The following MGAM variants were observed in gnomAD, a reference collection of about 807,000 sequenced individuals.
MGAM encodes the protein alpha-1,4-glucosidase.
Under a neutral mutation model 358.8 loss-of-function variants are expected in MGAM, and 253 were observed. That is an observed-to-expected ratio of 0.71 (90% CI 0.64 to 0.78). MGAM has a LOEUF of 0.78. Ranked by LOEUF, MGAM falls within the 30% of genes least tolerant of loss-of-function variation. The probability of loss-of-function intolerance (pLI) is 0.00; values close to 1 mark genes in which losing one functional copy is unlikely to be tolerated. For synonymous variants in MGAM, 1,105 were observed against 1,227.1 expected (o/e 0.90, Z 2.08); for missense variants, 3,080 against 3,432.6 (o/e 0.90, Z 2.57).
At chr7:141,994,122 C>T (rs1225472884), upstream of MGAM, among the ~76,000 whole-genome samples, 1 of 152,096 alleles carries the variant, frequency 6.6e-6, no homozygotes, top group Non-Finnish European at 1.5e-5. Context: ...GTGATCTGTC[C>T]ACCTCAGCCT....
Position 142,085,850 on chromosome 7 carries a change from C to G in MGAM, c.6525C>G (p.Asp2175Glu). 6.4e-7 allele frequency: 1 copy of G among 1,565,474 alleles called. No individual in the cohort carries two copies. The highest frequency in any genetic ancestry group is 8.8e-7 in the Non-Finnish European group (1 of 1,141,082). ...AQIPYDVQYS[D>E]IDYMERQLDF... ...TCCCGCAGGACGTGCAGTACTCAGA[C>G]ATCGACTACATGGAGCGGCAGCTGG... Residue 2175 changes from aspartate (D) to glutamate (E), a missense_variant, in exon 55 of 71, where the codon GAC becomes GAG. Transcript: ENST00000475668.
At position 142,063,586 on chromosome 7, in the gene MGAM, C is replaced by A. The variant is rs200751815; in HGVS notation, c.4345C>A (p.His1449Asn). Residue 1449 changes from histidine to asparagine, a missense_variant and splice_region_variant, in exon 36 of 71, where the codon CAT becomes AAT. By Grantham distance (68) the His-to-Asn change is moderately conservative. Around this residue, in one of 5 missense-constraint regions of MGAM, gnomAD observed 1,816 missense variants for 1,840.5 expected, o/e 0.99. Coordinates refer to ENST00000475668, the MANE Select transcript of MGAM (RefSeq NM_001365693.1). ...TCTGAACCACCCTCCCTACATGCCA[C>A]GTAAGAAGCCTTGGCCTCCTTGACT... Reference protein sequence around the residue: ...ASLNHPPYMPHLESRDRGLSS... With the variant: ...ASLNHPPYMPNLESRDRGLSS... 1 of 1,613,048 alleles carries A rather than the reference C, an allele frequency of 6.2e-7. No homozygotes were observed. The highest frequency in any genetic ancestry group is 8.5e-7 in the Non-Finnish European group (1 of 1,179,458).
chr7:142,097,882 G>A (rs572751838), intron 66 of MGAM, among the ~76,000 whole-genome samples: 14 of 152,272 alleles, frequency 9.2e-5, no homozygotes, highest in Non-Finnish European at 1.6e-4. Context: ...CAGGTTTTTC[G>A]TGGGTGTTCT....
chr7:142,069,361 C>A (rs1267622607), intron 43 of MGAM, among the ~76,000 whole-genome samples: 10 of 145,922 alleles, frequency 6.9e-5, no homozygotes, highest in South Asian at 2.2e-4. Flanking sequence ...AGGGTCTTCC[C>A]GGGCAGCTCT....
intron 67 of MGAM, among the ~76,000 whole-genome samples, chr7:142,100,511 G>C (rs375671740): frequency 5.9e-5 from 9 of 152,244 alleles, no homozygotes; most frequent in East Asian, 1.9e-4. Context: ...TCAGCATCAG[G>C]ATTTTCCTTT....
In MGAM at chr7:142,068,736, A is replaced by G. The variant is rs760875488; in HGVS notation, c.5061+33A>G. The G allele has an allele frequency of 2.2e-5, 32 of 1,431,710 alleles. 1 individual carries two copies. The African/African-American group carries it at 4.2e-4, about 19-fold the overall frequency. 88.7% of individuals were successfully genotyped at this position (1,431,710 alleles called of 1,614,324 possible). On this transcript the variant is annotated intron_variant, in intron 43 of 70. Transcript: ENST00000475668. The stretch of plus-strand genomic sequence containing the variant: ...TTTCTGAATGTTTATATAACACGGG[A>G]ATGTGGTAGAGAGTACAAAGGCTTT...
chr7:141,987,377 G>A (rs1487339246), intron 2 of MGAM, among the ~76,000 whole-genome samples: 1 of 152,086 alleles, frequency 6.6e-6, no homozygotes, highest in Non-Finnish European at 1.5e-5. Context: ...ACTAATCTCT[G>A]TATCTTAATA....
At position 142,034,304 on chromosome 7, in the gene MGAM, A is replaced by G. The variant is rs1554464957; in HGVS notation, c.1712A>G (p.Asp571Gly). 6.2e-7 allele frequency: 1 copy of G among 1,600,180 alleles called. No individual in the cohort carries two copies. The highest frequency in any genetic ancestry group is 8.5e-7 in the Non-Finnish European group (1 of 1,173,212). Residue 571 changes from aspartate (D) to glycine (G), a missense_variant, in exon 15 of 71, where the codon GAT (aspartate) becomes GGT (glycine). Asp to Gly is a moderately conservative substitution (Grantham distance 94). This residue lies in a region of MGAM where 1,816 missense variants were observed against 1,840.5 expected (regional missense o/e 0.99). Transcript: ENST00000475668. ...GYLFCKTLCM[D>G]AVQHWGKQYD... ...CTGTTCTGCAAGACTCTCTGTATGGATGCAGTGCAGCACTGGGGCAAGCAG... is the reference window on the plus strand; with the variant it reads ...CTGTTCTGCAAGACTCTCTGTATGGGTGCAGTGCAGCACTGGGGCAAGCAG...
intron 48 of MGAM, 121 bp from the exon 49 acceptor site, chr7:142,078,687 C>T (rs1813958641): frequency 8.7e-7 from 1 of 1,150,608 alleles, no homozygotes; most frequent in African/African-American, 1.5e-5. Context: ...ATGTTATTGC[C>T]AAGTGATAAG....
intron 1 of MGAM, among the ~76,000 whole-genome samples, chr7:142,002,629 G>A (rs1262052293): frequency 6.6e-6 from 1 of 151,964 alleles, no homozygotes; most frequent in Non-Finnish European, 1.5e-5. Flanking sequence ...ACTGAACAGG[G>A]AAAAGTTCAG....
At chr7:142,059,343 C>G in intron 31 of MGAM, 129 bp from the exon 32 acceptor site, 2 of 1,424,002 alleles carry the variant, frequency 1.4e-6, no homozygotes, top group Non-Finnish European at 1.9e-6. Flanking sequence ...TAACAAATGG[C>G]AGAGCTGGGA....
chr7:142,096,055 G>T, intron 64 of MGAM: 1 of 595,122 alleles, frequency 1.7e-6, no homozygotes, highest in Non-Finnish European at 3.0e-6. Context: ...AGGGAAAAGG[G>T]CCATCCTTGC....
chr7:142,040,105 T>G lies in MGAM; in HGVS notation c.2317-10T>G, dbSNP rs1305907935. ...TTCCCTCAGGGGACACTACATTTTT[T>G]TAATTTCAGGGTGCAGAGAAAGTGA... On this transcript the variant is annotated splice_polypyrimidine_tract_variant and intron_variant, in intron 19 of 70. Coordinates refer to ENST00000475668, the MANE Select transcript of MGAM (RefSeq NM_001365693.1). 6.2e-7 allele frequency: 1 copy of G among 1,606,068 alleles called. No individual in the cohort carries two copies. Among genetic ancestry groups the G allele is most frequent in the African/African-American group, 1.3e-5 (1 of 74,808 alleles).
rs1355898712 is a variant in MGAM at position 142,044,513 on chromosome 7, A to G, written c.2499-3272A>G. Among the ~76,000 whole-genome samples, 2 of 90,918 alleles carry G rather than the reference A, an allele frequency of 2.2e-5. 1 individual carries two copies. The highest frequency in any genetic ancestry group is 4.8e-5 in the Non-Finnish European group (2 of 41,700). The allele number at this position is 90,918 out of a possible 152,430, so 59.6% of individuals were successfully genotyped here. A position where few individuals can be genotyped will look rare whatever the true frequency, so the allele number is the denominator to read the frequency against. ...ATACACTTACGATATATGATATATAATGTATATTATACACTTACGATATAT... is the reference window on the plus strand; with the variant it reads ...ATACACTTACGATATATGATATATAGTGTATATTATACACTTACGATATAT... On this transcript the variant is annotated intron_variant, in intron 21 of 70. Transcript: ENST00000475668.
chr7:142,035,503 G>A (rs1468765314), intron 16 of MGAM, among the ~76,000 whole-genome samples: 1 of 152,188 alleles, frequency 6.6e-6, no homozygotes, highest in African/African-American at 2.4e-5. Context: ...AATCAAGGCA[G>A]GGAGTCAAGG....
chr7:141,998,009 C>G (rs150637016), intron 1 of MGAM, among the ~76,000 whole-genome samples: 1 of 152,086 alleles, frequency 6.6e-6, no homozygotes, highest in Non-Finnish European at 1.5e-5. Context: ...GCTTAGACCT[C>G]CATATACACA....
chr7:141,987,291 G>T (rs782526346), intron 2 of MGAM, among the ~76,000 whole-genome samples: 16 of 152,162 alleles, frequency 1.1e-4, no homozygotes, highest in Non-Finnish European at 2.1e-4. Flanking sequence ...CCTTCTGTGG[G>T]TTTGAATGTT....
At chr7:142,041,959 ATATATATATATTATATATATAT>A (rs1808724681) in intron 21 of MGAM, among the ~76,000 whole-genome samples, 1 of 24,936 alleles carries the variant, frequency 4.0e-5, no homozygotes, top group African/African-American at 9.5e-5. Flanking sequence ...CATATATATA[ATATATATATATTATATATATAT>A]AATATAATAT....
At chr7:142,098,301 C>A (rs1274514153) in intron 66 of MGAM, among the ~76,000 whole-genome samples, 4 of 152,128 alleles carry the variant, frequency 2.6e-5, no homozygotes, top group Non-Finnish European at 5.9e-5. Flanking sequence ...TCTTCCCGGG[C>A]AGCTCTGGGG....
Sources: allele counts gnomAD v4.1 joint callset (sites outside exome capture counted in the v4.1 genomes callset), GRCh38; gene constraint gnomAD v4.1.1; regional missense constraint gnomAD v4.1.1; transcripts MANE v1.5; gene names NCBI Gene and HGNC (gene_info 2026-07-23, HGNC 2026-07-21).